ADGRA1: variants seen among roughly 807,000 people sequenced by gnomAD.
The protein encoded by ADGRA1 is G-protein coupled receptor 123.
ADGRA1 carries 12 observed loss-of-function variants against 21.3 expected under a neutral mutation model. The ratio of observed to expected loss-of-function variants is 0.56; its 90% CI spans 0.36 to 0.91. The LOEUF is 0.91. Among genes scored for constraint, ADGRA1 ranks in the 40% least tolerant of loss-of-function variants. ADGRA1 has a pLI of 0.01. For missense variants in ADGRA1, 790 were observed against 805.6 expected (o/e 0.98, Z 0.23); for synonymous variants, 385 against 368.8 (o/e 1.04, Z -0.50).
At position 133,098,542 on chromosome 10, in the gene ADGRA1, A is replaced by T; in HGVS notation, c.132-98A>T. ...GCCCCTGACCCCACGGAGAGCCCGG[A>T]CTTCCCGGGGACAGAGCCTGCGCCC... On this transcript the variant is annotated intron_variant, in intron 3 of 6. Transcript: ENST00000392607. The T allele has an allele frequency of 2.1e-6, 3 of 1,448,980 alleles. No homozygotes were observed. In the South Asian group the frequency reaches 4.0e-5, roughly 19 times the overall value. 89.8% of individuals were successfully genotyped at this position (1,448,980 alleles called of 1,614,324 possible). A position where few individuals can be genotyped will look rare whatever the true frequency, so the allele number is the denominator to read the frequency against.
At chr10:133,096,001 T>A (rs1851682044) in intron 2 of ADGRA1, among the ~76,000 whole-genome samples, 1 of 138,052 alleles carries the variant, frequency 7.2e-6, no homozygotes, top group Non-Finnish European at 1.6e-5. Context: ...CCCTCACCCC[T>A]GCTGGCACCC....
chr10:133,098,048 G>C (rs546631961), intron 3 of ADGRA1, among the ~76,000 whole-genome samples: 1 of 152,330 alleles, frequency 6.6e-6, no homozygotes, highest in South Asian at 2.1e-4. Context: ...CTGTGATTAT[G>C]GGGAGAGGAT....
rs7095700 is a variant in ADGRA1, at chr10:133,119,999, A to G, written c.402-7234A>G. Among the ~76,000 whole-genome samples, 363 of 152,356 alleles carry G rather than the reference A, an allele frequency of 2.4e-3. 3 individuals carry two copies. Among genetic ancestry groups the G allele is most frequent in the African/African-American group, 4.1e-3 (171 of 41,590 alleles). On this transcript the variant is annotated intron_variant, in intron 5 of 6. Transcript: ENST00000392607. ...TTCCTGGCTCCGTTAGCCCCTAGCA[A>G]GAGAGTCAGCCTGTGCTTGGAAGCT...
chr10:133,112,775 C>CCGTTTCGGT (rs1392981917), intron 5 of ADGRA1, among the ~76,000 whole-genome samples: 1 of 136,346 alleles, frequency 7.3e-6, no homozygotes, highest in Non-Finnish European at 1.6e-5. Flanking sequence ...GGTCTGTAAG[C>CCGTTTCGGT]TATGTCGGTT....
chr10:133,094,591 A>C (rs943443646), intron 2 of ADGRA1, among the ~76,000 whole-genome samples: 2 of 152,134 alleles, frequency 1.3e-5, no homozygotes, highest in Non-Finnish European at 2.9e-5. Flanking sequence ...GATGAGAACG[A>C]AGTCCTTGTT....
At chr10:133,114,601 A>G (rs986174819) in intron 5 of ADGRA1, among the ~76,000 whole-genome samples, 2 of 152,188 alleles carry the variant, frequency 1.3e-5, no homozygotes, top group Admixed American at 6.5e-5. Flanking sequence ...CGAGGAGCCC[A>G]GGATGCACTT....
At chr10:133,098,593 C>A in intron 3 of ADGRA1, 47 bp from the exon 4 acceptor site, 2 of 1,575,090 alleles carry the variant, frequency 1.3e-6, no homozygotes, top group South Asian at 2.3e-5. Context: ...CACGCCTCCC[C>A]CTGCAGAGCC....
At chr10:133,123,126 T>C (rs1371569988) in intron 5 of ADGRA1, among the ~76,000 whole-genome samples, 4 of 152,162 alleles carry the variant, frequency 2.6e-5, no homozygotes, top group Admixed American at 2.0e-4. Flanking sequence ...GTCCCACCCA[T>C]GCGGGGCTCA....
chr10:133,094,197 G>A (rs1591166231), intron 2 of ADGRA1, among the ~76,000 whole-genome samples: 1 of 152,354 alleles, frequency 6.6e-6, no homozygotes, highest in East Asian at 1.9e-4. Flanking sequence ...CTGGAGCTTG[G>A]GCGGCCTCCT....
intron 2 of ADGRA1, chr10:133,095,522 G>C: frequency 1.8e-6 from 2 of 1,128,060 alleles, no homozygotes; most frequent in South Asian, 1.8e-5. Context: ...CTTCGCCCTC[G>C]CACAGGTCCA....
rs1332544433 is a variant in ADGRA1, at chr10:133,129,558, T to G, written c.*47T>G. On this transcript the variant is annotated 3_prime_UTR_variant, in exon 7 of 7. Coordinates refer to ENST00000392607, the MANE Select transcript of ADGRA1 (RefSeq NM_001083909.3). The stretch of plus-strand genomic sequence containing the variant: ...TTCCTGGAGGAGCTTCAGAGCAGAG[T>G]GGGGGGCCCATCTGCCACATGAGGT... 3 of 1,485,604 alleles carry G rather than the reference T, an allele frequency of 2.0e-6. No individual in the cohort carries two copies. The highest frequency in any genetic ancestry group is 2.7e-6 in the Non-Finnish European group (3 of 1,111,298). 92.0% of individuals were successfully genotyped at this position (1,485,604 alleles called of 1,614,324 possible).
chr10:133,101,274 G>C (rs1432156395), intron 4 of ADGRA1, among the ~76,000 whole-genome samples: 1 of 152,212 alleles, frequency 6.6e-6, no homozygotes, highest in Non-Finnish European at 1.5e-5. Flanking sequence ...GCTCAGCACT[G>C]AGTGAAACCT....
chr10:133,110,063 T>A (rs1175988018), intron 5 of ADGRA1, among the ~76,000 whole-genome samples: 2 of 152,216 alleles, frequency 1.3e-5, no homozygotes, highest in Middle Eastern at 6.3e-3. Flanking sequence ...GGGTGTGGTT[T>A]GTCTCCACAG....
intron 5 of ADGRA1, among the ~76,000 whole-genome samples, chr10:133,123,202 C>G (rs573188791): frequency 2.0e-5 from 3 of 152,140 alleles, no homozygotes; most frequent in Non-Finnish European, 4.4e-5. Context: ...CCTCTGCGCC[C>G]GTCCCTCTGC....
At chr10:133,116,647 C>T (rs1852165269) in intron 5 of ADGRA1, among the ~76,000 whole-genome samples, 1 of 152,060 alleles carries the variant, frequency 6.6e-6, no homozygotes, top group Non-Finnish European at 1.5e-5. Flanking sequence ...GACACTCAAC[C>T]AGAAACGGGC....
In ADGRA1 at chr10:133,129,418, G is replaced by A. The variant is rs1591193196; in HGVS notation, c.1590G>A (p.Leu530=). ...TTGGTGGCCCCAGCCAGAACGGGCT[G>A]CCCAAGGGTAAATTGCTAGAAGGCC... ...LPFGGPSQNG[L]PKGKLLEGLP... Residue 530 remains leucine (L), a synonymous_variant, in exon 7 of 7, where the codon CTG becomes CTA. Transcript: ENST00000392607. 2 of 1,605,510 alleles carry A rather than the reference G, an allele frequency of 1.2e-6. No individual in the cohort carries two copies. The highest frequency in any genetic ancestry group is 2.7e-5 in the African/African-American group (2 of 74,930).
At chr10:133,105,648 C>T (rs1043341502) in intron 5 of ADGRA1, among the ~76,000 whole-genome samples, 1 of 152,236 alleles carries the variant, frequency 6.6e-6, no homozygotes, top group African/African-American at 2.4e-5. Flanking sequence ...AGGGGGGATG[C>T]CCCACCTCGG....
chr10:133,115,564 G>T (rs1306735574), intron 5 of ADGRA1, among the ~76,000 whole-genome samples: 2 of 152,204 alleles, frequency 1.3e-5, no homozygotes, highest in Non-Finnish European at 2.9e-5. Context: ...GGCGCGCAGT[G>T]CTAGCCAGCC....
At chr10:133,101,595 C>A (rs1358323113) in intron 4 of ADGRA1, among the ~76,000 whole-genome samples, 1 of 152,232 alleles carries the variant, frequency 6.6e-6, no homozygotes, top group Non-Finnish European at 1.5e-5. Context: ...CGGGCAGTGA[C>A]ACTGACAGCC....
Sources: allele counts gnomAD v4.1 joint callset (sites outside exome capture counted in the v4.1 genomes callset), GRCh38; gene constraint gnomAD v4.1.1; transcripts MANE v1.5; gene names NCBI Gene and HGNC (gene_info 2026-07-23, HGNC 2026-07-21).